The following RNF130 variants were observed in gnomAD, a reference collection of about 807,000 sequenced individuals.
RNF130 encodes the protein ring finger protein 130.
Under a neutral mutation model 44.6 loss-of-function variants are expected in RNF130, and 21 were observed. The observed-to-expected ratio is 0.47, with a 90% confidence interval of 0.33 to 0.68. RNF130 has a LOEUF of 0.68. Ranked by LOEUF, RNF130 falls within the 30% of genes least tolerant of loss-of-function variation. RNF130 has a pLI of 0.02. For missense variants in RNF130, 479 were observed against 560.6 expected (o/e 0.85, Z 1.47); for synonymous variants, 214 against 210.4 (o/e 1.02, Z -0.15).
chr5:179,971,379 T>C (rs1335659564), intron 5 of RNF130, among the ~76,000 whole-genome samples: 2 of 152,306 alleles, frequency 1.3e-5, no homozygotes, highest in East Asian at 3.9e-4. Flanking sequence ...TTTTTGTTTG[T>C]TTGTTTTTGA....
chr5:180,009,695 C>CG (rs1763541764), intron 3 of RNF130, among the ~76,000 whole-genome samples: 1 of 152,154 alleles, frequency 6.6e-6, no homozygotes, highest in Non-Finnish European at 1.5e-5. Context: ...ATGCACTTAT[C>CG]TTAACAGCCC....
intron 7 of RNF130, among the ~76,000 whole-genome samples, chr5:179,943,818 T>A (rs1395898283): frequency 6.6e-6 from 1 of 152,206 alleles, no homozygotes; most frequent in African/African-American, 2.4e-5. Context: ...TTGCAACATG[T>A]TGACTGATTT....
chr5:179,924,435 C>T (rs567146282), intron 7 of RNF130, among the ~76,000 whole-genome samples: 3 of 150,562 alleles, frequency 2.0e-5, no homozygotes, highest in African/African-American at 4.9e-5. Flanking sequence ...GCGGAGGTTG[C>T]GGTGAGCTGA....
At chr5:180,002,135 G>A (rs1173996385) in intron 3 of RNF130, among the ~76,000 whole-genome samples, 1 of 152,226 alleles carries the variant, frequency 6.6e-6, no homozygotes, top group African/African-American at 2.4e-5. Flanking sequence ...ACTCTGGATG[G>A]CCAATGCACC....
intron 2 of RNF130, among the ~76,000 whole-genome samples, chr5:180,030,802 T>C (rs1764115684): frequency 6.6e-6 from 1 of 152,266 alleles, no homozygotes; most frequent in African/African-American, 2.4e-5. Flanking sequence ...AGTAGCCTTT[T>C]GTGTCTGGCT....
chr5:179,980,114 GTT>G lies in RNF130; in HGVS notation c.765+13_765+14del. ...GGATTACTTTTACGGTGCTGAAGTT[GTT>G]TCATGACTGTACCTTGTCACCCTTC... On this transcript the variant is annotated intron_variant, in intron 4 of 8. Coordinates refer to ENST00000521389, the MANE Select transcript of RNF130 (RefSeq NM_018434.6). 6.2e-7 allele frequency: 1 copy of G among 1,612,548 alleles called. No individual in the cohort carries two copies. The highest frequency in any genetic ancestry group is 8.5e-7 in the Non-Finnish European group (1 of 1,178,698).
intron 2 of RNF130, among the ~76,000 whole-genome samples, chr5:180,020,389 G>A (rs1308955895): frequency 6.6e-6 from 1 of 152,192 alleles, no homozygotes; most frequent in Non-Finnish European, 1.5e-5. Flanking sequence ...GAAGTGACTG[G>A]TGTGGACGTG....
chr5:179,960,857 AAT>A (rs1762311337), intron 8 of RNF130, among the ~76,000 whole-genome samples: 1 of 152,000 alleles, frequency 6.6e-6, no homozygotes, highest in African/African-American at 2.4e-5. Flanking sequence ...AAAAAAAAAA[AAT>A]CTTATTTTGG....
chr5:180,060,691 C>T lies in RNF130; in HGVS notation c.247+10765G>A, dbSNP rs58548426. Among the ~76,000 whole-genome samples, 1,324 of 152,254 alleles carry T rather than the reference C, an allele frequency of 8.7e-3. 24 individuals are homozygous for T. The highest frequency in any genetic ancestry group is 0.03 in the African/African-American group (1,229 of 41,538). ...AGTTCTGTGTATCTCTACATAAATA[C>T]GTAGTCTTCTGGAGAAAGGTACACC... On this transcript the variant is annotated intron_variant, in intron 1 of 8. Coordinates refer to ENST00000521389, the MANE Select transcript of RNF130 (RefSeq NM_018434.6).
chr5:179,938,898 C>A (rs1039032543), intron 7 of RNF130, among the ~76,000 whole-genome samples: 9 of 152,086 alleles, frequency 5.9e-5, no homozygotes, highest in African/African-American at 2.2e-4. Context: ...CGTTAGGGTA[C>A]AATCTTGTCC....
intron 3 of RNF130, among the ~76,000 whole-genome samples, chr5:180,001,520 T>C (rs1197651099): frequency 6.6e-6 from 1 of 152,162 alleles, no homozygotes; most frequent in Non-Finnish European, 1.5e-5. Context: ...CCCTGGGAAT[T>C]AGGGCATAAC....
At chr5:180,057,197 G>A (rs1041002303) in intron 1 of RNF130, among the ~76,000 whole-genome samples, 18 of 152,208 alleles carry the variant, frequency 1.2e-4, no homozygotes, top group Non-Finnish European at 7.3e-5. Flanking sequence ...CAAACCTCTG[G>A]GGAGGGGCAA....
At chr5:179,927,510 C>T (rs755471556) in intron 7 of RNF130, among the ~76,000 whole-genome samples, 2 of 152,022 alleles carry the variant, frequency 1.3e-5, no homozygotes, top group Non-Finnish European at 2.9e-5. Flanking sequence ...CTCCAGTGAC[C>T]GCCCAATCAC....
At chr5:179,931,489 C>A (rs1761807363) in intron 7 of RNF130, among the ~76,000 whole-genome samples, 1 of 151,960 alleles carries the variant, frequency 6.6e-6, no homozygotes, top group Admixed American at 6.6e-5. Flanking sequence ...ACAGTACAGG[C>A]CAGGCGCAGT....
At chr5:179,946,805 C>T (rs1223664040) in intron 7 of RNF130, among the ~76,000 whole-genome samples, 1 of 152,152 alleles carries the variant, frequency 6.6e-6, no homozygotes, top group Non-Finnish European at 1.5e-5. Flanking sequence ...CCACCAGCCT[C>T]GGCCTCCCAA....
rs17079880 is a variant in RNF130 at position 179,977,973 on chromosome 5, G to A, written c.848+230C>T. 0.016 allele frequency among the ~76,000 whole-genome samples: 2,426 copies of A among 152,324 alleles called. 66 individuals carry two copies. Among genetic ancestry groups the A allele is most frequent in the African/African-American group, 0.054 (2,225 of 41,574 alleles). ...TGTGTCTGGGGAGTCTGGAGGCCGC[G>A]TGCCACATCGCATATTGGCTACACC... is the stretch of plus-strand genomic sequence containing the variant. On this transcript the variant is annotated intron_variant, in intron 5 of 8. Transcript: ENST00000521389. This position sits in a 1 kb window ranked among gnomAD's most constrained non-coding sequence, Gnocchi z 4.1.
At chr5:179,972,646 C>T (rs571528241) in intron 5 of RNF130, among the ~76,000 whole-genome samples, 51 of 151,866 alleles carry the variant, frequency 3.4e-4, no homozygotes, top group African/African-American at 8.9e-4. Context: ...CTGGTAAAGC[C>T]GCAGCACCAC....
chr5:180,031,719 GTAAGTCT>G (rs1307420430), intron 2 of RNF130, among the ~76,000 whole-genome samples: 1 of 152,210 alleles, frequency 6.6e-6, no homozygotes, highest in Non-Finnish European at 1.5e-5. Flanking sequence ...GCATTTGTGT[GTAAGTCT>G]TTGTGTGGAC....
At chr5:180,070,935 G>A (rs1481609548) in intron 1 of RNF130, among the ~76,000 whole-genome samples, 1 of 151,744 alleles carries the variant, frequency 6.6e-6, no homozygotes, top group African/African-American at 2.4e-5. Context: ...ACTAGGGCAA[G>A]AACAAGAGCC....
Sources: gnomAD v4.1 joint callset for allele counts (sites outside exome capture counted in the v4.1 genomes callset) on GRCh38, gnomAD v4.1.1 for gene constraint, Gnocchi (gnomAD v3.1) non-coding constraint, MANE v1.5 for transcripts, NCBI Gene and HGNC (gene_info 2026-07-23, HGNC 2026-07-21) for gene names.